Variants in ATP8B2 observed in about 807,000 individuals in gnomAD.
The protein encoded by ATP8B2 is ATPase phospholipid transporting 8B2.
Under a neutral mutation model 133.4 loss-of-function variants are expected in ATP8B2, and 70 were observed. The ratio of observed to expected loss-of-function variants is 0.52; its 90% CI spans 0.43 to 0.64. The LOEUF (loss-of-function observed/expected upper bound fraction) is 0.64. Ranked by LOEUF, ATP8B2 falls within the 30% of genes least tolerant of loss-of-function variation. ATP8B2 has a pLI of 0.00. For synonymous variants in ATP8B2, 517 were observed against 589.5 expected, an observed-to-expected ratio of 0.88 and a Z score of 1.78; for missense variants, 1,101 against 1,535.7, an observed-to-expected ratio of 0.72 and a Z score of 4.73.
In ATP8B2 at chr1:154,343,331, T is replaced by C; in HGVS notation, c.1642+30T>C. ...GGCCAGGCCTGGGGTGCTGGGGCGT[T>C]TGGGGACAGCATTCAGGCCTGGAAT... On this transcript the variant is annotated intron_variant, in intron 16 of 27. Transcript: ENST00000368489. The surrounding 1 kb of genome is among the most constrained non-coding windows in gnomAD (Gnocchi z 5.8). 1.2e-6 allele frequency: 2 copies of C among 1,611,666 alleles called. No individual in the cohort carries two copies. Among genetic ancestry groups the C allele is most frequent in the Non-Finnish European group, 1.7e-6 (2 of 1,178,362 alleles).
At position 154,334,123 on chromosome 1, in the gene ATP8B2, A is replaced by G; in HGVS notation, c.606A>G (p.Glu202=). Reference sequence around the variant, plus strand: ...CCTGTTCAGGTGAAGTGATCTGTGAACCTCCCAACAACAAACTGGACAAAT... The same window carrying G: ...CCTGTTCAGGTGAAGTGATCTGTGAGCCTCCCAACAACAAACTGGACAAAT... ...LAKFDGEVIC[E]PPNNKLDKFS... is the part of the protein sequence containing the mutation. Residue 202 remains glutamate (E), a synonymous_variant, in exon 10 of 28, where the codon GAA becomes GAG. Transcript: ENST00000368489. This position sits in a 1 kb window ranked among gnomAD's most constrained non-coding sequence, Gnocchi z 4.6. 1.9e-6 allele frequency: 3 copies of G among 1,614,104 alleles called. No individual in the cohort carries two copies. The highest frequency in any genetic ancestry group is 2.5e-6 in the Non-Finnish European group (3 of 1,180,020).
chr1:154,349,224 T>C lies in ATP8B2; in HGVS notation c.*106T>C. On this transcript the variant is annotated 3_prime_UTR_variant, in exon 28 of 28. Transcript: ENST00000368489. Reference sequence around the variant, plus strand: ...GCTGGTCCTCATTCCTTGCTTCCCGTCCCCCCGGTAGACTCTGTCCTGCTG... The same window carrying C: ...GCTGGTCCTCATTCCTTGCTTCCCGCCCCCCCGGTAGACTCTGTCCTGCTG... 1 of 1,391,948 alleles carries C rather than the reference T, an allele frequency of 7.2e-7. No individual in the cohort carries two copies. Among genetic ancestry groups the C allele is most frequent in the Non-Finnish European group, 9.7e-7 (1 of 1,026,650 alleles). 86.2% of individuals were successfully genotyped at this position (1,391,948 alleles called of 1,614,324 possible).
Position 154,348,822 on chromosome 1 carries a change from C to G in ATP8B2, c.3295-18C>G. On this transcript the variant is annotated intron_variant, in intron 27 of 27. Coordinates refer to ENST00000368489, the MANE Select transcript of ATP8B2 (RefSeq NM_001370597.1). Reference sequence around the variant, plus strand: ...ACCTCCACGCTGACAGAGGGCTCTTCCCTGTGCCCCTCTGCAGGTCCGCTA... The same window carrying G: ...ACCTCCACGCTGACAGAGGGCTCTTGCCTGTGCCCCTCTGCAGGTCCGCTA... The G allele has an allele frequency of 2.5e-6, 4 of 1,572,742 alleles. No individual in the cohort carries two copies. Among genetic ancestry groups the G allele is most frequent in the Non-Finnish European group, 3.5e-6 (4 of 1,153,946 alleles).
At position 154,343,746 on chromosome 1, in the gene ATP8B2, T is replaced by TA; in HGVS notation, c.1759-146dup. The TA allele has an allele frequency of 9.2e-7, 1 of 1,084,474 alleles. No individual in the cohort carries two copies. The highest frequency in any genetic ancestry group is 1.3e-6 in the Non-Finnish European group (1 of 761,746). 67.2% of individuals were successfully genotyped at this position (1,084,474 alleles called of 1,614,324 possible). ...TAACACATCAGCCAGCTCCCATAGT[T>TA]ACCTCTTTTTATGTATGTGGTGACA... On this transcript the variant is annotated intron_variant, in intron 17 of 27. Coordinates refer to ENST00000368489, the MANE Select transcript of ATP8B2 (RefSeq NM_001370597.1). This position sits in a 1 kb window ranked among gnomAD's most constrained non-coding sequence, Gnocchi z 5.8.
At chr1:154,341,479 G>A (rs1686382926) in intron 13 of ATP8B2, 1 of 278,574 alleles carries the variant, frequency 3.6e-6, no homozygotes, top group East Asian at 9.5e-5. Flanking sequence ...GCGACAGAAT[G>A]AGGCCCTGTC....
In ATP8B2 at chr1:154,331,332, T is replaced by TTTG. The variant is rs1211112465; in HGVS notation, c.304-110_304-108dup. ...GAGAGGGAATCAGGGAGTGAACTGG[T>TTTG]TTGTGATGGGGTGTGTATGAGGCGT... On this transcript the variant is annotated intron_variant, in intron 5 of 27. Transcript: ENST00000368489. This position sits in a 1 kb window ranked among gnomAD's most constrained non-coding sequence, Gnocchi z 4.8. 4 of 1,250,184 alleles carry TTTG rather than the reference T, an allele frequency of 3.2e-6. No individual in the cohort carries two copies. The highest frequency in any genetic ancestry group is 3.5e-6 in the Non-Finnish European group (3 of 862,732). 77.4% of individuals were successfully genotyped at this position (1,250,184 alleles called of 1,614,324 possible). A position where few individuals can be genotyped will look rare whatever the true frequency, so the allele number is the denominator to read the frequency against.
chr1:154,340,602 G>T lies in ATP8B2; in HGVS notation c.1035-252G>T. 3.7e-6 allele frequency: 2 copies of T among 539,920 alleles called. No individual in the cohort carries two copies. Among genetic ancestry groups the T allele is most frequent in the Non-Finnish European group, 6.8e-6 (2 of 292,120 alleles). The allele number at this position is 539,920 out of a possible 1,614,324, so 33.4% of individuals were successfully genotyped here. A position where few individuals can be genotyped will look rare whatever the true frequency, so the allele number is the denominator to read the frequency against. The stretch of plus-strand genomic sequence containing the variant: ...CTTTTCCTCCTTTGCTGTCTGTCCT[G>T]CCCACCCAGGCCCTTTGCACCTTCT... On this transcript the variant is annotated intron_variant, in intron 12 of 27. Coordinates refer to ENST00000368489, the MANE Select transcript of ATP8B2 (RefSeq NM_001370597.1). This position sits in a 1 kb window ranked among gnomAD's most constrained non-coding sequence, Gnocchi z 4.0.
At position 154,343,716 on chromosome 1, in the gene ATP8B2, CAACTT is replaced by C. The variant is rs1249946096; in HGVS notation, c.1758+152_1758+156del. 121 of 991,026 alleles carry C rather than the reference CAACTT, an allele frequency of 1.2e-4. 2 individuals carry two copies. Among genetic ancestry groups the C allele is most frequent in the Non-Finnish European group, 4.6e-5 (31 of 672,338 alleles). 61.4% of individuals were successfully genotyped at this position (991,026 alleles called of 1,614,324 possible). On this transcript the variant is annotated intron_variant, in intron 17 of 27. Coordinates refer to ENST00000368489, the MANE Select transcript of ATP8B2 (RefSeq NM_001370597.1). This position sits in a 1 kb window ranked among gnomAD's most constrained non-coding sequence, Gnocchi z 5.8. ...TAGTGAAGTGATTACTACAGTCAGA[CAACTT>C]AACACATCAGCCAGCTCCCATAGTT...
In ATP8B2 at chr1:154,332,664, T is replaced by A; in HGVS notation, c.556T>A (p.Leu186Met). 4 of 1,585,818 alleles carry A rather than the reference T, an allele frequency of 2.5e-6. No homozygotes were observed. The highest frequency in any genetic ancestry group is 3.4e-6 in the Non-Finnish European group (4 of 1,164,796). ...TCAGGCGATTCCAGTCACCTCAGAA[T>A]TGGGAGACATCAGTAAGCTTGCCAA... ...VRQAIPVTSE[L>M]GDISKLAKFD... The change falls in exon 9 of 28, where the codon TTG (leucine) becomes ATG (methionine). Residue 186 changes from leucine (L) to methionine (M), a missense_variant. Transcript: ENST00000368489.
In ATP8B2 at chr1:154,351,187, T is replaced by G. The variant is rs999269240; in HGVS notation, c.*2069T>G. ...TTAGGGAGGGAAGAAAGTACCAAGT[T>G]GCATTGAGCTGTAATTAAGGAACAT... On this transcript the variant is annotated 3_prime_UTR_variant, in exon 28 of 28. Transcript: ENST00000368489. 1 of 151,712 alleles carries G rather than the reference T, an allele frequency of 6.6e-6. No individual in the cohort carries two copies. Among genetic ancestry groups the G allele is most frequent in the African/African-American group, 2.4e-5 (1 of 41,266 alleles). The allele number at this position is 151,712 out of a possible 1,614,324, so 9.4% of individuals were successfully genotyped here.
In ATP8B2 at chr1:154,343,024, C is replaced by T. The variant is rs573673744; in HGVS notation, c.1453+63C>T. ...CTCTGCCCTTGGGCTCTGCTCTGCT[C>T]TGCAATGCGGCTGGGCTGGGGCTTC... On this transcript the variant is annotated intron_variant, in intron 15 of 27. Transcript: ENST00000368489. The surrounding 1 kb of genome is among the most constrained non-coding windows in gnomAD (Gnocchi z 5.8). The T allele has an allele frequency of 4.4e-6, 7 of 1,600,198 alleles. No homozygotes were observed. The East Asian group carries it at 1.1e-4, about 26-fold the overall frequency.
chr1:154,348,941 C>A lies in ATP8B2; in HGVS notation c.3396C>A (p.Ser1132=). The A allele has an allele frequency of 6.2e-7, 1 of 1,614,256 alleles. No individual in the cohort carries two copies. Among genetic ancestry groups the A allele is most frequent in the Non-Finnish European group, 8.5e-7 (1 of 1,180,042 alleles). The part of the protein sequence containing the change: ...TGSRRSGYAF[S]HQEGFGELIM... ...CCCGGCGCTCCGGCTATGCCTTCTC[C>A]CATCAGGAGGGCTTCGGGGAGCTCA... is the stretch of plus-strand genomic sequence containing the variant. The change falls in exon 28 of 28, where the codon TCC becomes TCA. Residue 1132 remains serine, a synonymous_variant. Coordinates refer to ENST00000368489, the MANE Select transcript of ATP8B2 (RefSeq NM_001370597.1).
In ATP8B2 at chr1:154,334,050, CT is replaced by C; in HGVS notation, c.590-55del. The stretch of plus-strand genomic sequence containing the variant: ...GCTCATTTTCTCTTTGTTTTATTGT[CT>C]TGTGGTTAGGCTGTAGACTGGACCT... On this transcript the variant is annotated intron_variant, in intron 9 of 27. Coordinates refer to ENST00000368489, the MANE Select transcript of ATP8B2 (RefSeq NM_001370597.1). The surrounding 1 kb of genome is among the most constrained non-coding windows in gnomAD (Gnocchi z 4.6). 1 of 1,585,518 alleles carries C rather than the reference CT, an allele frequency of 6.3e-7. No individual in the cohort carries two copies. The highest frequency in any genetic ancestry group is 8.6e-7 in the Non-Finnish European group (1 of 1,159,540).
chr1:154,331,635 G>A lies in ATP8B2; in HGVS notation c.395G>A (p.Cys132Tyr). 2 of 1,614,248 alleles carry A rather than the reference G, an allele frequency of 1.2e-6. No individual in the cohort carries two copies. The highest frequency in any genetic ancestry group is 1.7e-6 in the Non-Finnish European group (2 of 1,180,044). Residue 132 changes from cysteine (C) to tyrosine (Y), a missense_variant, in exon 7 of 28, where the codon TGT (cysteine) becomes TAT (tyrosine). Coordinates refer to ENST00000368489, the MANE Select transcript of ATP8B2 (RefSeq NM_001370597.1). The surrounding 1 kb of genome is among the most constrained non-coding windows in gnomAD (Gnocchi z 4.8). ...ILQQEQWMNV[C>Y]VGDIIKLENN... ...CAGCAGGAGCAGTGGATGAATGTCT[G>A]TGTTGGTGATATTATCAAGCTAGAA... is the stretch of plus-strand genomic sequence containing the variant.
At chr1:154,327,776 A>T in intron 1 of ATP8B2, 2 of 1,609,590 alleles carry the variant, frequency 1.2e-6, no homozygotes, top group Non-Finnish European at 1.7e-6. Context: ...GCCAGAACAC[A>T]TGAGAGCCTC....
Position 154,343,154 on chromosome 1 carries a change from C to G in ATP8B2, c.1495C>G (p.Leu499Val). The change falls in exon 16 of 28, where the codon CTG (leucine) becomes GTG (valine). Residue 499 changes from leucine to valine, a missense_variant. Leu to Val is a conservative substitution (Grantham distance 32, BLOSUM62 1). Coordinates refer to ENST00000368489, the MANE Select transcript of ATP8B2 (RefSeq NM_001370597.1). The surrounding 1 kb of genome is among the most constrained non-coding windows in gnomAD (Gnocchi z 5.8). Reference sequence around the variant, plus strand: ...AGCTCAGTCCCCAGATGAGGGGGCCCTGGTCACCGCAGCCAGGAACTTTGG... The same window carrying G: ...AGCTCAGTCCCCAGATGAGGGGGCCGTGGTCACCGCAGCCAGGAACTTTGG... ...YKAQSPDEGALVTAARNFGFV... is the reference protein window; with the variant it reads ...YKAQSPDEGAVVTAARNFGFV... 6.2e-7 allele frequency: 1 copy of G among 1,614,140 alleles called. No individual in the cohort carries two copies. The highest frequency in any genetic ancestry group is 8.5e-7 in the Non-Finnish European group (1 of 1,180,028).
In ATP8B2 at chr1:154,343,041, T is replaced by A. The variant is rs1686439612; in HGVS notation, c.1454-72T>A. 6.3e-7 allele frequency: 1 copy of A among 1,594,544 alleles called. No individual in the cohort carries two copies. Among genetic ancestry groups the A allele is most frequent in the South Asian group, 1.1e-5 (1 of 88,612 alleles). On this transcript the variant is annotated intron_variant, in intron 15 of 27. Transcript: ENST00000368489. The surrounding 1 kb of genome is among the most constrained non-coding windows in gnomAD (Gnocchi z 5.8). ...GCTCTGCTCTGCAATGCGGCTGGGC[T>A]GGGGCTTCCTGGGCGGGGCACGTGG...
Position 154,343,407 on chromosome 1 carries a change from C to T in ATP8B2, c.1643-46C>T. The T allele has an allele frequency of 6.2e-7, 1 of 1,607,338 alleles. No individual in the cohort carries two copies. The highest frequency in any genetic ancestry group is 1.7e-5 in the Admixed American group (1 of 59,778). On this transcript the variant is annotated intron_variant, in intron 16 of 27. Coordinates refer to ENST00000368489, the MANE Select transcript of ATP8B2 (RefSeq NM_001370597.1). The surrounding 1 kb of genome is among the most constrained non-coding windows in gnomAD (Gnocchi z 5.8). The stretch of plus-strand genomic sequence containing the variant: ...GATGTGTTTATGTTGGGGGTCTTTG[C>T]CTGTCTGAATTTTTCTGGCACTTTC...
chr1:154,337,341 T>C lies in ATP8B2; in HGVS notation c.838-7T>C. ...CAGCCTCGCCTGTGCTTCTCATTCC[T>C]CCCCAGATTTTTGGATTCCTGGTTT... On this transcript the variant is annotated splice_region_variant and splice_polypyrimidine_tract_variant and intron_variant, in intron 11 of 27. Coordinates refer to ENST00000368489, the MANE Select transcript of ATP8B2 (RefSeq NM_001370597.1). 1 of 1,609,174 alleles carries C rather than the reference T, an allele frequency of 6.2e-7. No homozygotes were observed. Among genetic ancestry groups the C allele is most frequent in the Non-Finnish European group, 8.5e-7 (1 of 1,176,730 alleles).
Sources: allele counts gnomAD v4.1 joint callset, GRCh38; gene constraint gnomAD v4.1.1; non-coding constraint Gnocchi (gnomAD v3.1); transcripts MANE v1.5; gene names NCBI Gene and HGNC (gene_info 2026-07-23, HGNC 2026-07-21).